Variants in STARD9 observed in about 807,000 individuals in gnomAD.
STARD9 encodes the protein StAR related lipid transfer domain containing 9.
In STARD9, 346 loss-of-function variants were observed where a neutral mutation model predicts 399.8. The ratio of observed to expected loss-of-function variants is 0.87; its 90% CI spans 0.79 to 0.95. The LOEUF (loss-of-function observed/expected upper bound fraction) is 0.95, where lower values mean the gene tolerates loss of function less well. Ranked by LOEUF, STARD9 falls within the 40% of genes least tolerant of loss-of-function variation. The pLI, the probability that STARD9 is intolerant of heterozygous loss-of-function variation, is 0.00. For missense variants in STARD9, 5,832 were observed against 5,667.5 expected (o/e 1.03, Z -0.93); for synonymous variants, 2,203 against 2,143.5 (o/e 1.03, Z -0.77).
intron 3 of STARD9, among the ~76,000 whole-genome samples, chr15:42,613,040 A>G (rs2058886600): frequency 6.6e-6 from 1 of 151,254 alleles, no homozygotes; most frequent in African/African-American, 2.4e-5. Context: ...AAAAGAAAAT[A>G]TTTTTGATTA....
At chr15:42,706,161 G>A (rs377364584) in intron 26 of STARD9, among the ~76,000 whole-genome samples, 3 of 152,176 alleles carry the variant, frequency 2.0e-5, no homozygotes, top group African/African-American at 4.8e-5. Flanking sequence ...GAGAAACCAC[G>A]TCTTATGCTA....
In STARD9 at chr15:42,688,864, C is replaced by T. The variant is rs758670930; in HGVS notation, c.7286C>T (p.Pro2429Leu). The change falls in exon 23 of 33, where the codon CCT (proline) becomes CTT (leucine). Residue 2429 changes from proline (P) to leucine (L), a missense_variant. Transcript: ENST00000290607. ...CAATCTGGTGTACCAGAGAGCATTCCTCTGGGGACAGAGGACAGGATCTCA... is the reference window on the plus strand; with the variant it reads ...CAATCTGGTGTACCAGAGAGCATTCTTCTGGGGACAGAGGACAGGATCTCA... Reference protein sequence around the residue: ...HSQSGVPESIPLGTEDRISAS... With the variant: ...HSQSGVPESILLGTEDRISAS... The T allele has an allele frequency of 8.5e-6, 13 of 1,537,192 alleles. No homozygotes were observed. The highest frequency in any genetic ancestry group is 2.0e-5 in the Admixed American group (1 of 50,984).
chr15:42,601,491 G>C (rs1338476531), intron 3 of STARD9, among the ~76,000 whole-genome samples: 53 of 151,052 alleles, frequency 3.5e-4, no homozygotes, highest in African/African-American at 1.3e-3. Context: ...CCGGGCGGGG[G>C]CTGCCCCCCA....
chr15:42,581,504 C>T (rs2058169359), intron 1 of STARD9: 5 of 1,473,832 alleles, frequency 3.4e-6, no homozygotes, highest in East Asian at 2.4e-5. Flanking sequence ...TGGACGCGGG[C>T]TCTGGGCTTT....
chr15:42,668,578 A>G (rs911116583), intron 15 of STARD9, among the ~76,000 whole-genome samples: 1 of 152,194 alleles, frequency 6.6e-6, no homozygotes, highest in Non-Finnish European at 1.5e-5. Context: ...GTAAGAACTC[A>G]GTATTCTACT....
Position 42,663,052 on chromosome 15 carries a change from G to T in STARD9, c.868+161G>T. 4.3e-6 allele frequency: 3 copies of T among 698,560 alleles called. No homozygotes were observed. The South Asian group carries it at 5.8e-5, about 13-fold the overall frequency. 43.3% of individuals were successfully genotyped at this position (698,560 alleles called of 1,614,324 possible). On this transcript the variant is annotated intron_variant, in intron 11 of 32. Transcript: ENST00000290607. ...TTTGTCCTTGGTTTTAGAGTAGAAT[G>T]CTGTCCTACTACCATCATTTCTCAA... is the stretch of plus-strand genomic sequence containing the variant.
chr15:42,682,343 T>G lies in STARD9; in HGVS notation c.2305T>G (p.Ser769Ala). The G allele has an allele frequency of 6.5e-7, 1 of 1,537,246 alleles. No homozygotes were observed. Among genetic ancestry groups the G allele is most frequent in the Non-Finnish European group, 8.7e-7 (1 of 1,146,888 alleles). Residue 769 changes from serine (S) to alanine (A), a missense_variant, in exon 22 of 33, where the codon TCA (serine) becomes GCA (alanine). By Grantham distance (99) the Ser-to-Ala change is moderately conservative (BLOSUM62 1). Coordinates refer to ENST00000290607, the MANE Select transcript of STARD9 (RefSeq NM_020759.3). ...AERNVRRKKV[S>A]FQLERIIKKQ... ...GCGGAATGTCCGGCGGAAAAAGGTCTCATTCCAGCTAGAGAGAATCATCAA... is the reference window on the plus strand; with the variant it reads ...GCGGAATGTCCGGCGGAAAAAGGTCGCATTCCAGCTAGAGAGAATCATCAA...
chr15:42,623,333 T>C (rs1248355698), intron 3 of STARD9, among the ~76,000 whole-genome samples: 3 of 152,190 alleles, frequency 2.0e-5, no homozygotes, highest in Non-Finnish European at 4.4e-5. Flanking sequence ...CATTTTCCTT[T>C]CTCCAAATAT....
intron 3 of STARD9, among the ~76,000 whole-genome samples, chr15:42,624,983 T>G (rs150050265): frequency 6.6e-6 from 1 of 152,218 alleles, no homozygotes; most frequent in East Asian, 1.9e-4. Context: ...CCCATAGAGA[T>G]AAGTAATATT....
At chr15:42,628,849 AG>A (rs1280472864) in intron 3 of STARD9, among the ~76,000 whole-genome samples, 1 of 152,126 alleles carries the variant, frequency 6.6e-6, no homozygotes, top group Non-Finnish European at 1.5e-5. Context: ...TATAATTTGA[AG>A]TACGGTAATA....
rs1389059222 is a variant in STARD9, at chr15:42,694,639, A to C, written c.12876A>C (p.Lys4292Asn). ...AACAACTGAGCCTCCTGCCCAACAA[A>C]GATCTCTTCATCTGGGATCTTGACT... is the stretch of plus-strand genomic sequence containing the variant. ...PQKQLSLLPN[K>N]DLFIWDLDLP... is the part of the protein sequence containing the mutation. Residue 4292 changes from lysine (K) to asparagine (N), a missense_variant, in exon 24 of 33, where the codon AAA becomes AAC. By Grantham distance (94) the Lys-to-Asn change is moderately conservative (BLOSUM62 0). Coordinates refer to ENST00000290607, the MANE Select transcript of STARD9 (RefSeq NM_020759.3). 1 of 1,537,186 alleles carries C rather than the reference A, an allele frequency of 6.5e-7. No homozygotes were observed. Among genetic ancestry groups the C allele is most frequent in the South Asian group, 1.2e-5 (1 of 84,052 alleles).
intron 13 of STARD9, among the ~76,000 whole-genome samples, chr15:42,664,583 T>C (rs535301205): frequency 2.1e-4 from 32 of 152,140 alleles, no homozygotes; most frequent in Non-Finnish European, 4.0e-4. Flanking sequence ...CCCAGGCTGG[T>C]CTCAAACTCC....
intron 1 of STARD9, among the ~76,000 whole-genome samples, chr15:42,578,851 A>G (rs1298772331): frequency 2.0e-5 from 3 of 152,160 alleles, no homozygotes; most frequent in Non-Finnish European, 4.4e-5. Flanking sequence ...GTAGCAGAAA[A>G]CAGAACAAAG....
rs536731548 is a variant in STARD9 at position 42,692,884 on chromosome 15, C to T, written c.11306C>T (p.Ser3769Leu). 48 of 1,537,094 alleles carry T rather than the reference C, an allele frequency of 3.1e-5. No homozygotes were observed. The African/African-American group carries it at 5.3e-4, about 17-fold the overall frequency. Residue 3769 changes from serine (S) to leucine (L), a missense_variant, in exon 23 of 33, where the codon TCG becomes TTG. Transcript: ENST00000290607. Reference protein sequence around the residue: ...VILEGLGSDTSTVSQEEGDVP... With the variant: ...VILEGLGSDTLTVSQEEGDVP... Reference sequence around the variant, plus strand: ...CTTGAAGGGCTAGGCTCAGATACCTCGACTGTGTCTCAAGAAGAGGGAGAT... The same window carrying T: ...CTTGAAGGGCTAGGCTCAGATACCTTGACTGTGTCTCAAGAAGAGGGAGAT...
Position 42,718,458 on chromosome 15 carries a change from C to A in STARD9, c.13786C>A (p.Leu4596Met). 1.3e-6 allele frequency: 2 copies of A among 1,537,220 alleles called. No homozygotes were observed. Among genetic ancestry groups the A allele is most frequent in the Non-Finnish European group, 8.7e-7 (1 of 1,146,870 alleles). ...AGTGTACTTGGTGTGCAACACCACCCTGTGCGCACTGAAGCAGCCACGGGA... is the reference window on the plus strand; with the variant it reads ...AGTGTACTTGGTGTGCAACACCACCATGTGCGCACTGAAGCAGCCACGGGA... ...SLVYLVCNTT[L>M]CALKQPRDFC... The change falls in exon 31 of 33, where the codon CTG becomes ATG. Residue 4596 changes from leucine (L) to methionine (M), a missense_variant. This residue lies in a region of STARD9 where 5,828 missense variants were observed against 5,651.1 expected (regional missense o/e 1.03). Coordinates refer to ENST00000290607, the MANE Select transcript of STARD9 (RefSeq NM_020759.3).
At chr15:42,619,883 A>C (rs1259954547) in intron 3 of STARD9, among the ~76,000 whole-genome samples, 1 of 152,216 alleles carries the variant, frequency 6.6e-6, no homozygotes, top group Non-Finnish European at 1.5e-5. Context: ...CTGTTGAGCT[A>C]ATCAATGGCT....
At position 42,680,984 on chromosome 15, in the gene STARD9, C is replaced by G. The variant is rs147855352; in HGVS notation, c.1875-438C>G. ...GGGAATGGAGGTGCAGTAACAATCTCTGAATATGTAGGAGAGAGTTTTATG... is the reference window on the plus strand; with the variant it reads ...GGGAATGGAGGTGCAGTAACAATCTGTGAATATGTAGGAGAGAGTTTTATG... On this transcript the variant is annotated intron_variant, in intron 20 of 32. Transcript: ENST00000290607. Among the ~76,000 whole-genome samples the G allele has an allele frequency of 4.0e-3, 609 of 152,326 alleles. 5 individuals are homozygous for G. Among genetic ancestry groups the G allele is most frequent in the African/African-American group, 0.014 (577 of 41,568 alleles).
Position 42,687,133 on chromosome 15 carries a change from C to T in STARD9, c.5555C>T (p.Thr1852Ile), listed in dbSNP as rs552034430. The T allele has an allele frequency of 1.6e-5, 25 of 1,537,180 alleles. No individual in the cohort carries two copies. The African/African-American group carries it at 3.3e-4, about 20-fold the overall frequency. Residue 1852 changes from threonine to isoleucine, a missense_variant, in exon 23 of 33, where the codon ACT becomes ATT. Coordinates refer to ENST00000290607, the MANE Select transcript of STARD9 (RefSeq NM_020759.3). ...ESHDSVYSSVTQNRHFLPSTS... is the reference protein window; with the variant it reads ...ESHDSVYSSVIQNRHFLPSTS... Reference sequence around the variant, plus strand: ...CATGATTCAGTTTATTCTTCTGTTACTCAGAACAGACATTTTCTCCCCTCT... The same window carrying T: ...CATGATTCAGTTTATTCTTCTGTTATTCAGAACAGACATTTTCTCCCCTCT...
intron 26 of STARD9, among the ~76,000 whole-genome samples, chr15:42,699,238 C>T (rs1159218889): frequency 1.3e-5 from 2 of 151,954 alleles, no homozygotes; most frequent in Admixed American, 6.6e-5. Context: ...GCTATAGTCA[C>T]CCTATTGTGT....
Sources: allele counts gnomAD v4.1 joint callset (sites outside exome capture counted in the v4.1 genomes callset), GRCh38; gene constraint gnomAD v4.1.1; regional missense constraint gnomAD v4.1.1; transcripts MANE v1.5; gene names NCBI Gene and HGNC (gene_info 2026-07-23, HGNC 2026-07-21).